The following RAP1GAP2 variants were observed in gnomAD, a reference collection of about 807,000 sequenced individuals.
RAP1GAP2 encodes the protein rap1 GTPase-activating protein 2.
In RAP1GAP2, 27 loss-of-function variants were observed where a neutral mutation model predicts 95.0. The observed-to-expected ratio is 0.28, with a 90% CI of 0.21 to 0.39. RAP1GAP2 has a LOEUF of 0.39. Among genes scored for constraint, RAP1GAP2 ranks in the 10% least tolerant of loss-of-function variants. The pLI is 1.00. For synonymous variants in RAP1GAP2, 373 were observed against 380.9 expected, an observed-to-expected ratio of 0.98 and a Z score of 0.24; for missense variants, 771 against 970.0, an observed-to-expected ratio of 0.79 and a Z score of 2.72.
chr17:3,026,287 G>T (rs1207869221), intron 20 of RAP1GAP2, 63 bp from the exon 21 acceptor site: 2 of 1,414,902 alleles, frequency 1.4e-6, no homozygotes, highest in Non-Finnish European at 2.0e-6. Flanking sequence ...TCCCGGGGAG[G>T]ACCCTGGGGG....
chr17:2,886,428 C>A (rs1338081703), intron 2 of RAP1GAP2, among the ~76,000 whole-genome samples: 1 of 152,016 alleles, frequency 6.6e-6, no homozygotes, highest in East Asian at 1.9e-4. Flanking sequence ...CTGTCCTGGC[C>A]TCCCAAAGTA....
At chr17:2,884,665 C>A (rs144016151) in intron 2 of RAP1GAP2, among the ~76,000 whole-genome samples, 2 of 152,084 alleles carry the variant, frequency 1.3e-5, no homozygotes, top group Non-Finnish European at 1.5e-5. Context: ...TGAGCCACTG[C>A]GCCCAGCCTA....
chr17:3,006,803 G>A (rs547447107), intron 16 of RAP1GAP2, among the ~76,000 whole-genome samples: 6 of 151,926 alleles, frequency 3.9e-5, no homozygotes, highest in Non-Finnish European at 7.4e-5. Context: ...GGGGATAAGT[G>A]AGACAGTTTC....
chr17:2,969,181 A>ATCTATCTATCTATCTATCTATC (rs146508761), intron 8 of RAP1GAP2, among the ~76,000 whole-genome samples: 5,781 of 147,000 alleles, frequency 0.039, 136 homozygotes, highest in East Asian at 0.061. Context: ...CTATCTATCT[A>ATCTATCTATCTATCTATCTATC]TATATATATA....
At position 2,941,707 on chromosome 17, in the gene RAP1GAP2, C is replaced by T. The variant is rs555993598; in HGVS notation, c.166-16052C>T. ...TTTGAGACAGAGTTTTTGCTCTTGT[C>T]GCCCAGGCTGGAGTGCAGTGGTGTG... On this transcript the variant is annotated intron_variant, in intron 3 of 24. Coordinates refer to ENST00000254695, the MANE Select transcript of RAP1GAP2 (RefSeq NM_015085.5). 1.3e-4 allele frequency among the ~76,000 whole-genome samples: 19 copies of T among 140,814 alleles called. No individual in the cohort carries two copies. In the East Asian group the frequency reaches 3.2e-3, roughly 24 times the overall value. 92.4% of individuals were successfully genotyped at this position (140,814 alleles called of 152,430 possible). A position where few individuals can be genotyped will look rare whatever the true frequency, so the allele number is the denominator to read the frequency against.
At chr17:2,918,210 C>T (rs141659551) in intron 3 of RAP1GAP2, among the ~76,000 whole-genome samples, 2,098 of 151,876 alleles carry the variant, frequency 0.014, 24 homozygotes, top group South Asian at 0.03. Flanking sequence ...CTGAGGCGGG[C>T]AGATCATGAG....
At chr17:3,023,719 T>C (rs915840913) in intron 19 of RAP1GAP2, among the ~76,000 whole-genome samples, 2 of 152,196 alleles carry the variant, frequency 1.3e-5, no homozygotes, top group African/African-American at 4.8e-5. Context: ...ACATGTGCCA[T>C]GGTGGTTTGC....
chr17:2,890,863 T>G (rs2073689380), intron 2 of RAP1GAP2, among the ~76,000 whole-genome samples: 1 of 151,850 alleles, frequency 6.6e-6, no homozygotes, highest in Non-Finnish European at 1.5e-5. Context: ...TTTTTGTGTT[T>G]TTAGTAGAGA....
chr17:2,808,524 C>T (rs557120596), intron 2 of RAP1GAP2, among the ~76,000 whole-genome samples: 314 of 152,298 alleles, frequency 2.1e-3, no homozygotes, highest in African/African-American at 6.3e-3. Flanking sequence ...TCCTGAGGGC[C>T]GTGGGGGCTG....
intron 2 of RAP1GAP2, among the ~76,000 whole-genome samples, chr17:2,805,519 CTAT>C (rs763208278): frequency 6.6e-6 from 1 of 151,688 alleles, no homozygotes; most frequent in African/African-American, 2.4e-5. Flanking sequence ...CCACGCCCAG[CTAT>C]TATTATTATT....
chr17:2,882,481 G>A (rs956180736), intron 2 of RAP1GAP2, among the ~76,000 whole-genome samples: 1 of 151,926 alleles, frequency 6.6e-6, no homozygotes, highest in Non-Finnish European at 1.5e-5. Flanking sequence ...TAGTAGAGAC[G>A]GGGTTTCGCC....
intron 3 of RAP1GAP2, among the ~76,000 whole-genome samples, chr17:2,943,928 C>T (rs34158675): frequency 1.3e-5 from 2 of 151,676 alleles, no homozygotes; most frequent in Admixed American, 1.3e-4. Flanking sequence ...GGAGGGCGGA[C>T]CATGAGGTCA....
chr17:2,991,298 C>A lies in RAP1GAP2; in HGVS notation c.815C>A (p.Thr272Asn). The A allele has an allele frequency of 6.3e-7, 1 of 1,595,322 alleles. No homozygotes were observed. Among genetic ancestry groups the A allele is most frequent in the South Asian group, 1.1e-5 (1 of 88,032 alleles). ...CCCTTATTCCTGTTTCTCTTTCAGA[C>A]CCTGGAGGAGGAGCTATTTGGGAAC... Reference protein sequence around the residue: ...FGVIYQKARQTLEEELFGNNE... With the variant: ...FGVIYQKARQNLEEELFGNNE... The change falls in exon 12 of 25, where the codon ACC becomes AAC. Residue 272 changes from threonine to asparagine, a missense_variant and splice_region_variant. Thr to Asn is a moderately conservative substitution (Grantham distance 65). Coordinates refer to ENST00000254695, the MANE Select transcript of RAP1GAP2 (RefSeq NM_015085.5).
intron 2 of RAP1GAP2, among the ~76,000 whole-genome samples, chr17:2,865,875 A>G (rs1364466269): frequency 6.6e-6 from 1 of 152,146 alleles, no homozygotes; most frequent in African/African-American, 2.4e-5. Flanking sequence ...TTTCCCCTCC[A>G]TGAATGCAAA....
intron 2 of RAP1GAP2, among the ~76,000 whole-genome samples, chr17:2,830,962 C>CCT (rs2070810680): frequency 9.3e-6 from 1 of 107,430 alleles, no homozygotes; most frequent in African/African-American, 3.6e-5. Context: ...CCCCTCCCCT[C>CCT]CCCTTCCCTC....
intron 2 of RAP1GAP2, among the ~76,000 whole-genome samples, chr17:2,862,452 T>G (rs1349806619): frequency 6.6e-6 from 1 of 152,086 alleles, no homozygotes; most frequent in Non-Finnish European, 1.5e-5. Flanking sequence ...AGCACTTCTG[T>G]TCAGACGGGG....
intron 8 of RAP1GAP2, among the ~76,000 whole-genome samples, chr17:2,976,781 T>C (rs555558257): frequency 2.6e-4 from 39 of 152,162 alleles, no homozygotes; most frequent in Non-Finnish European, 5.4e-4. Context: ...TTACTAGTCT[T>C]TCAAAAGACT....
chr17:2,857,445 A>C lies in RAP1GAP2; in HGVS notation c.81-47839A>C, dbSNP rs1019276714. Among the ~76,000 whole-genome samples the C allele has an allele frequency of 6.6e-6, 1 of 152,226 alleles. No individual in the cohort carries two copies. Among genetic ancestry groups the C allele is most frequent in the African/African-American group, 2.4e-5 (1 of 41,454 alleles). On this transcript the variant is annotated intron_variant, in intron 2 of 24. Coordinates refer to ENST00000254695, the MANE Select transcript of RAP1GAP2 (RefSeq NM_015085.5). The surrounding 1 kb of genome is among the most constrained non-coding windows in gnomAD (Gnocchi z 4.0). ...TGGTAGTTCCCAAGAACTGTGCTCC[A>C]GGCTCCAACTTCAATTTCCGTTTTC... is the stretch of plus-strand genomic sequence containing the variant.
intron 3 of RAP1GAP2, among the ~76,000 whole-genome samples, chr17:2,928,164 C>T (rs2043028009): frequency 6.6e-6 from 1 of 152,178 alleles, no homozygotes; most frequent in Non-Finnish European, 1.5e-5. Context: ...TTTGGACTTG[C>T]CCAATTTTAC....
Sources: gnomAD v4.1 joint callset for allele counts (sites outside exome capture counted in the v4.1 genomes callset) on GRCh38, gnomAD v4.1.1 for gene constraint, Gnocchi (gnomAD v3.1) non-coding constraint, MANE v1.5 for transcripts, NCBI Gene and HGNC (gene_info 2026-07-23, HGNC 2026-07-21) for gene names.